Variants in TRDN observed in about 807,000 individuals in gnomAD.
TRDN encodes the protein triadin, also known as triadin in skeletal muscle.
A neutral mutation model predicts 149.7 loss-of-function variants in TRDN; 161 were observed. That is an observed-to-expected ratio of 1.08 (90% CI 0.95 to 1.23). The LOEUF (loss-of-function observed/expected upper bound fraction) is 1.23, where lower values mean the gene tolerates loss of function less well. Ranked by LOEUF, TRDN falls within the 50% of genes most tolerant of loss-of-function variation. The pLI is 0.00. For synonymous variants in TRDN, 294 were observed against 250.5 expected (o/e 1.17, Z -1.64); for missense variants, 896 against 823.5 (o/e 1.09, Z -1.08).
chr6:123,354,507 A>G (rs1042309890), intron 20 of TRDN, among the ~76,000 whole-genome samples: 1 of 151,866 alleles, frequency 6.6e-6, no homozygotes, highest in African/African-American at 2.4e-5. Flanking sequence ...TTTCTTTAAA[A>G]GGCAAATTAA....
At chr6:123,401,053 C>T (rs147666050) in intron 12 of TRDN, among the ~76,000 whole-genome samples, 3 of 152,214 alleles carry the variant, frequency 2.0e-5, no homozygotes, top group East Asian at 1.9e-4. Flanking sequence ...GATTGGGAGA[C>T]AAGGTGTTTG....
At chr6:123,305,024 A>C (rs1227371010) in intron 24 of TRDN, among the ~76,000 whole-genome samples, 3 of 152,162 alleles carry the variant, frequency 2.0e-5, no homozygotes, top group African/African-American at 7.2e-5. Flanking sequence ...TTTTTATGGC[A>C]ATATGGTTAT....
intron 24 of TRDN, among the ~76,000 whole-genome samples, chr6:123,303,743 T>C (rs112947926): frequency 3.9e-5 from 6 of 152,238 alleles, no homozygotes; most frequent in African/African-American, 1.2e-4. Context: ...GAAATAAATA[T>C]GTTGAGGGCA....
intron 24 of TRDN, among the ~76,000 whole-genome samples, chr6:123,313,997 T>C (rs1778928400): frequency 6.6e-6 from 1 of 151,914 alleles, no homozygotes; most frequent in South Asian, 2.1e-4. Context: ...AATTGACAAA[T>C]GGGATCTAAT....
chr6:123,604,922 A>T (rs1784455731), intron 1 of TRDN, among the ~76,000 whole-genome samples: 1 of 152,090 alleles, frequency 6.6e-6, no homozygotes, highest in Admixed American at 6.6e-5. Flanking sequence ...ACTAGAATAG[A>T]TTAGTACCTA....
chr6:123,547,341 T>C lies in TRDN; in HGVS notation c.423A>G (p.Lys141=). 1 of 1,455,016 alleles carries C rather than the reference T, an allele frequency of 6.9e-7. No individual in the cohort carries two copies. The highest frequency in any genetic ancestry group is 9.1e-7 in the Non-Finnish European group (1 of 1,095,496). 90.1% of individuals were successfully genotyped at this position (1,455,016 alleles called of 1,614,324 possible). A position where few individuals can be genotyped will look rare whatever the true frequency, so the allele number is the denominator to read the frequency against. Reference sequence around the variant, plus strand: ...TTATCAAAGGTGAAAACAACTAACCTTTTTTTCTCAAGGGAGGCTCATCTA... The same window carrying C: ...TTATCAAAGGTGAAAACAACTAACCCTTTTTTCTCAAGGGAGGCTCATCTA... ...GEIDEPPLRK[K]EIHKDKTEKQ... Residue 141 remains lysine (K), a splice_region_variant and synonymous_variant, in exon 4 of 41, where the codon AAA becomes AAG. Transcript: ENST00000334268.
intron 10 of TRDN, among the ~76,000 whole-genome samples, chr6:123,458,568 C>T (rs1313623154): frequency 1.3e-5 from 2 of 152,192 alleles, no homozygotes; most frequent in Non-Finnish European, 2.9e-5. Flanking sequence ...TTTGGACTTA[C>T]TAGCCCCTGC....
At chr6:123,592,048 T>C (rs1361295038) in intron 1 of TRDN, among the ~76,000 whole-genome samples, 1 of 151,802 alleles carries the variant, frequency 6.6e-6, no homozygotes, top group African/African-American at 2.4e-5. Flanking sequence ...ATTATCAGAG[T>C]TTTCAAAGTA....
chr6:123,341,583 A>C (rs904658214), intron 21 of TRDN, among the ~76,000 whole-genome samples: 3 of 151,890 alleles, frequency 2.0e-5, no homozygotes, highest in African/African-American at 7.2e-5. Context: ...GCATAATATA[A>C]AATTTTCTTG....
At chr6:123,513,141 G>A (rs184651572) in intron 6 of TRDN, among the ~76,000 whole-genome samples, 4 of 152,170 alleles carry the variant, frequency 2.6e-5, no homozygotes, top group African/African-American at 9.6e-5. Context: ...TCCTCCTCCA[G>A]AGTTTCAGCC....
intron 1 of TRDN, among the ~76,000 whole-genome samples, chr6:123,581,306 C>T (rs1480731549): frequency 1.3e-5 from 2 of 152,184 alleles, no homozygotes; most frequent in African/African-American, 2.4e-5. Context: ...ACTCTTCTTA[C>T]TTGTAATACC....
chr6:123,463,674 G>A (rs953241568), intron 10 of TRDN, among the ~76,000 whole-genome samples: 26 of 152,110 alleles, frequency 1.7e-4, no homozygotes, highest in Admixed American at 1.0e-3. Context: ...ACATTTTGGC[G>A]AGTGAGATAG....
intron 28 of TRDN, 118 bp downstream of exon 28, chr6:123,273,219 A>C: frequency 3.4e-6 from 3 of 875,954 alleles, no homozygotes; most frequent in Non-Finnish European, 3.3e-6. Context: ...AGTTTTCAAA[A>C]CACAGGCTGT....
In TRDN at chr6:123,567,364, A is replaced by C. The variant is rs1583258372; in HGVS notation, c.232+3559T>G. ...AATCTAACTCATTGGTAGTCCAGCTACCAATGGTATGCTGGCAGAGTCAAC... is the reference window on the plus strand; with the variant it reads ...AATCTAACTCATTGGTAGTCCAGCTCCCAATGGTATGCTGGCAGAGTCAAC... On this transcript the variant is annotated intron_variant, in intron 2 of 40. Coordinates refer to ENST00000334268, the MANE Select transcript of TRDN (RefSeq NM_006073.4). Among the ~76,000 whole-genome samples the C allele has an allele frequency of 7.2e-5, 11 of 152,334 alleles. 1 individual carries two copies. The South Asian group carries it at 2.3e-3, about 32-fold the overall frequency.
intron 23 of TRDN, among the ~76,000 whole-genome samples, chr6:123,329,487 A>G (rs551928352): frequency 3.8e-4 from 58 of 152,226 alleles, no homozygotes; most frequent in African/African-American, 1.3e-3. Context: ...TATGTGTGAG[A>G]TGGTGGTGAT....
intron 12 of TRDN, among the ~76,000 whole-genome samples, chr6:123,432,648 G>A (rs529427107): frequency 1.3e-5 from 2 of 149,642 alleles, no homozygotes; most frequent in South Asian, 2.2e-4. Context: ...CCCCTTCCCC[G>A]CAAAATCTAC....
chr6:123,257,872 A>T (rs1018231917), intron 35 of TRDN, among the ~76,000 whole-genome samples: 1 of 152,040 alleles, frequency 6.6e-6, no homozygotes, highest in Non-Finnish European at 1.5e-5. Flanking sequence ...TTGTATTCCT[A>T]GGTATTTTAT....
rs190014280 is a variant in TRDN, at chr6:123,594,327, T to C, written c.23-23195A>G. ...TCTATAACTGTAAAAGACCACATATTTTATTCTTTCATCAAAAATCAATAT... is the reference window on the plus strand; with the variant it reads ...TCTATAACTGTAAAAGACCACATATCTTATTCTTTCATCAAAAATCAATAT... On this transcript the variant is annotated intron_variant, in intron 1 of 40. Coordinates refer to ENST00000334268, the MANE Select transcript of TRDN (RefSeq NM_006073.4). Among the ~76,000 whole-genome samples the C allele has an allele frequency of 5.5e-3, 834 of 152,214 alleles. 15 individuals carry two copies. The highest frequency in any genetic ancestry group is 3.5e-3 in the Non-Finnish European group (240 of 67,984).
intron 1 of TRDN, among the ~76,000 whole-genome samples, chr6:123,574,857 CATATATATATATAT>C (rs1162190609): frequency 3.8e-4 from 19 of 50,570 alleles, no homozygotes; most frequent in Non-Finnish European, 5.5e-4. Flanking sequence ...TTTATATATA[CATATATATATATAT>C]ATATATATAT....
Sources: gnomAD v4.1 joint callset for allele counts (sites outside exome capture counted in the v4.1 genomes callset) on GRCh38, gnomAD v4.1.1 for gene constraint, MANE v1.5 for transcripts, NCBI Gene and HGNC (gene_info 2026-07-23, HGNC 2026-07-21) for gene names.